SLC25A17: variants seen among roughly 807,000 people sequenced by gnomAD.
The protein encoded by SLC25A17 is solute carrier family 25 member 17, also known as peroxisomal membrane protein PMP34.
A neutral mutation model predicts 38.5 loss-of-function variants in SLC25A17; 26 were observed. The ratio of observed to expected loss-of-function variants is 0.68; its 90% CI spans 0.50 to 0.94. The LOEUF (loss-of-function observed/expected upper bound fraction) is 0.94, where lower values mean the gene tolerates loss of function less well. SLC25A17 is among the 40% of genes least tolerant of loss of function. The pLI is 0.00. For missense variants in SLC25A17, 333 were observed against 372.7 expected (o/e 0.89, Z 0.88); for synonymous variants, 139 against 136.2 (o/e 1.02, Z -0.14).
intron 3 of SLC25A17, among the ~76,000 whole-genome samples, chr22:40,794,093 C>G (rs897902852): frequency 2.8e-4 from 42 of 152,130 alleles, no homozygotes; most frequent in Non-Finnish European, 5.1e-4. Flanking sequence ...ATATACTTGT[C>G]TTCTTTGTAC....
chr22:40,807,280 AGC>A (rs2145699723), intron 1 of SLC25A17, among the ~76,000 whole-genome samples: 1 of 152,330 alleles, frequency 6.6e-6, no homozygotes, highest in South Asian at 2.1e-4. Flanking sequence ...AACCCAGTGA[AGC>A]AGGCACTATC....
At chr22:40,814,917 TCA>T in intron 1 of SLC25A17, among the ~76,000 whole-genome samples, 1 of 151,900 alleles carries the variant, frequency 6.6e-6, no homozygotes, top group Non-Finnish European at 1.5e-5. Flanking sequence ...CCTCCCGGGT[TCA>T]TGCCGTTCTC....
chr22:40,813,906 A>G (rs1237290956), intron 1 of SLC25A17: 3 of 152,546 alleles, frequency 2.0e-5, no homozygotes, highest in Non-Finnish European at 2.9e-5. Context: ...CAAAAGAGCA[A>G]TTGCTATTTA....
chr22:40,782,194 C>T (rs970563177), intron 4 of SLC25A17, among the ~76,000 whole-genome samples: 4 of 151,378 alleles, frequency 2.6e-5, no homozygotes, highest in South Asian at 2.1e-4. Flanking sequence ...CACTCCAGCC[C>T]GGGTGTCAGA....
At position 40,819,254 on chromosome 22, in the gene SLC25A17, C is replaced by A. The variant is rs764812482; in HGVS notation, c.-6G>T. ...TAGGACAGCACGGAAGCCATTGGTG[C>A]GGCTCCTCGAAGACCCAGCCACACT... On this transcript the variant is annotated 5_prime_UTR_variant, in exon 1 of 9. Transcript: ENST00000435456. The A allele has an allele frequency of 5.6e-6, 9 of 1,613,664 alleles. No homozygotes were observed. Among genetic ancestry groups the A allele is most frequent in the Non-Finnish European group, 7.6e-6 (9 of 1,179,898 alleles).
At chr22:40,774,312 C>T (rs990816580) in intron 7 of SLC25A17, among the ~76,000 whole-genome samples, 1 of 151,894 alleles carries the variant, frequency 6.6e-6, no homozygotes, top group African/African-American at 2.4e-5. Context: ...CAACCTCCAC[C>T]TCCCAGGTTC....
intron 7 of SLC25A17, among the ~76,000 whole-genome samples, chr22:40,774,981 C>A (rs2057226293): frequency 6.6e-6 from 1 of 152,118 alleles, no homozygotes; most frequent in Non-Finnish European, 1.5e-5. Flanking sequence ...AGGCCACCAT[C>A]CTCTCTTGCC....
At chr22:40,805,745 AG>A (rs1468002515) in intron 1 of SLC25A17, among the ~76,000 whole-genome samples, 2 of 152,220 alleles carry the variant, frequency 1.3e-5, no homozygotes, top group Non-Finnish European at 2.9e-5. Flanking sequence ...AAAGGAATAC[AG>A]CTCTGCTGAC....
chr22:40,808,457 C>T (rs750976795), intron 1 of SLC25A17, among the ~76,000 whole-genome samples: 2 of 152,230 alleles, frequency 1.3e-5, no homozygotes, highest in Non-Finnish European at 2.9e-5. Flanking sequence ...TGTTCTCCTA[C>T]AGAAGTTCTC....
At chr22:40,819,167 C>A in intron 1 of SLC25A17, 28 bp downstream of exon 1, 4 of 1,612,712 alleles carry the variant, frequency 2.5e-6, no homozygotes, top group Non-Finnish European at 3.4e-6. Context: ...TAACCCGTTG[C>A]GGCCCGGGCG....
chr22:40,809,470 TA>T (rs138314), intron 1 of SLC25A17, among the ~76,000 whole-genome samples: 15 of 148,340 alleles, frequency 1.0e-4, no homozygotes, highest in East Asian at 4.0e-4. Flanking sequence ...ACAAAAAAAT[TA>T]AAAAAAAAAA....
intron 4 of SLC25A17, among the ~76,000 whole-genome samples, chr22:40,787,229 TCAGA>T (rs1264961990): frequency 6.6e-6 from 1 of 152,160 alleles, no homozygotes; most frequent in Non-Finnish European, 1.5e-5. Flanking sequence ...AAGACTGTTG[TCAGA>T]CAGACCACAG....
Position 40,799,029 on chromosome 22 carries a change from G to A in SLC25A17, c.109C>T (p.Leu37Phe), listed in dbSNP as rs2057456640. ...FFPLDTARLR[L>F]QVDEKRKSKT... ...GAGTATGATTTCTACTTACCCTGAAGTCGAAGTCTAGCTGTATCCAGGGGA... is the reference window on the plus strand; with the variant it reads ...GAGTATGATTTCTACTTACCCTGAAATCGAAGTCTAGCTGTATCCAGGGGA... The change falls in exon 2 of 9, where the codon CTT (leucine) becomes TTT (phenylalanine). Residue 37 changes from leucine to phenylalanine, a missense_variant. Transcript: ENST00000435456. 2.5e-6 allele frequency: 4 copies of A among 1,609,818 alleles called. 1 individual carries two copies. In the South Asian group the frequency reaches 3.3e-5, roughly 13 times the overall value.
intron 7 of SLC25A17, among the ~76,000 whole-genome samples, chr22:40,774,443 C>T (rs376816354): frequency 2.6e-5 from 4 of 152,152 alleles, no homozygotes; most frequent in East Asian, 1.9e-4. Context: ...AGGCTGGTCT[C>T]GAATTCCTGA....
rs1484517249 is a variant in SLC25A17 at position 40,797,261 on chromosome 22, TTAC to T, written c.115+1759_115+1761del. On this transcript the variant is annotated intron_variant, in intron 2 of 8. Transcript: ENST00000435456. ...AGGCATAAAGGGTTTAACCTTTGAA[TTAC>T]TATTGAAAGCTAATCTTACTCATCT... The T allele has an allele frequency of 3.3e-6, 4 of 1,198,466 alleles. No homozygotes were observed. In the African/African-American group the frequency reaches 6.3e-5, roughly 19 times the overall value. The allele number at this position is 1,198,466 out of a possible 1,614,324, so 74.2% of individuals were successfully genotyped here.
chr22:40,788,502 C>T (rs1371265382), intron 4 of SLC25A17, among the ~76,000 whole-genome samples: 1 of 152,088 alleles, frequency 6.6e-6, no homozygotes, highest in Non-Finnish European at 1.5e-5. Flanking sequence ...ACCAGCCTGA[C>T]CAACATGGTG....
chr22:40,771,669 C>A (rs961651463), intron 8 of SLC25A17, among the ~76,000 whole-genome samples: 1 of 151,962 alleles, frequency 6.6e-6, no homozygotes, highest in African/African-American at 2.4e-5. Flanking sequence ...AACAATTGAA[C>A]TCATGGAGAT....
intron 8 of SLC25A17, among the ~76,000 whole-genome samples, chr22:40,772,497 C>A (rs1018470070): frequency 8.6e-5 from 13 of 151,758 alleles, no homozygotes; most frequent in African/African-American, 3.1e-4. Flanking sequence ...GAGACGGGGT[C>A]TCACTATGTT....
At chr22:40,804,420 C>T (rs2057511423) in intron 1 of SLC25A17, among the ~76,000 whole-genome samples, 2 of 151,888 alleles carry the variant, frequency 1.3e-5, no homozygotes, top group South Asian at 4.2e-4. Context: ...AGGTGATATC[C>T]CATTGTGATT....
Sources: allele counts gnomAD v4.1 joint callset (sites outside exome capture counted in the v4.1 genomes callset), GRCh38; gene constraint gnomAD v4.1.1; transcripts MANE v1.5; gene names NCBI Gene and HGNC (gene_info 2026-07-23, HGNC 2026-07-21).